The following PLEKHA7 variants were observed in gnomAD, a reference collection of about 807,000 sequenced individuals.
PLEKHA7 encodes the protein pleckstrin homology domain-containing family A member 7.
In PLEKHA7, 104 loss-of-function variants were observed where a neutral mutation model predicts 170.0. That is an observed-to-expected ratio of 0.61 (90% confidence interval 0.52 to 0.72). PLEKHA7 has a LOEUF of 0.72. Among genes scored for constraint, PLEKHA7 ranks in the 30% least tolerant of loss-of-function variants. The probability of loss-of-function intolerance (pLI) is 0.00; values close to 1 mark genes in which losing one functional copy is unlikely to be tolerated. For missense variants in PLEKHA7, 1,615 were observed against 1,671.7 expected, an observed-to-expected ratio of 0.97 and a Z score of 0.59; for synonymous variants, 648 against 660.8, an observed-to-expected ratio of 0.98 and a Z score of 0.30.
chr11:16,923,191 A>G (rs1345124253), intron 3 of PLEKHA7, among the ~76,000 whole-genome samples: 2 of 152,226 alleles, frequency 1.3e-5, no homozygotes, highest in Non-Finnish European at 2.9e-5. Flanking sequence ...GCCATTATCC[A>G]CAAATATGCA....
At chr11:16,822,154 G>A (rs1193006901) in intron 10 of PLEKHA7, among the ~76,000 whole-genome samples, 1 of 152,152 alleles carries the variant, frequency 6.6e-6, no homozygotes, top group Non-Finnish European at 1.5e-5. Flanking sequence ...TTTACAGGCT[G>A]CTGGAGCAGT....
chr11:16,855,948 G>A (rs1736798368), intron 4 of PLEKHA7, 34 bp from the exon 5 acceptor site: 1 of 1,549,688 alleles, frequency 6.5e-7, no homozygotes, highest in Admixed American at 1.7e-5. Context: ...GTGAGTAAAA[G>A]CCGAGCTATA....
At chr11:17,010,660 T>G (rs1303847696) in intron 3 of PLEKHA7, among the ~76,000 whole-genome samples, 1 of 152,208 alleles carries the variant, frequency 6.6e-6, no homozygotes, top group Admixed American at 6.5e-5. Flanking sequence ...GAGGAGCAAC[T>G]GAATACATCC....
At chr11:16,822,305 G>T (rs545490920) in intron 10 of PLEKHA7, among the ~76,000 whole-genome samples, 3 of 151,882 alleles carry the variant, frequency 2.0e-5, no homozygotes, top group African/African-American at 7.3e-5. Context: ...CTTTTACTCT[G>T]CGTCCTGAGC....
intron 4 of PLEKHA7, among the ~76,000 whole-genome samples, chr11:16,864,093 C>A (rs1337573545): frequency 2.0e-5 from 3 of 152,288 alleles, no homozygotes; most frequent in Middle Eastern, 3.4e-3. Context: ...AGATTGTCCC[C>A]AGAAGACCTC....
intron 4 of PLEKHA7, among the ~76,000 whole-genome samples, chr11:16,859,841 G>A (rs570737651): frequency 3.3e-5 from 5 of 152,360 alleles, no homozygotes; most frequent in South Asian, 2.1e-4. Flanking sequence ...ACTGCGTCAC[G>A]CAGACCCCTG....
chr11:16,856,242 GC>G (rs1853440238), intron 4 of PLEKHA7, among the ~76,000 whole-genome samples: 1 of 152,190 alleles, frequency 6.6e-6, no homozygotes, highest in Non-Finnish European at 1.5e-5. Context: ...CATCTGATGG[GC>G]ATGCACAGAT....
intron 8 of PLEKHA7, among the ~76,000 whole-genome samples, chr11:16,846,481 A>G (rs1209562507): frequency 6.6e-6 from 1 of 152,102 alleles, no homozygotes; most frequent in Admixed American, 6.6e-5. Context: ...TGGGTAAATT[A>G]CTCAACCTCC....
chr11:16,863,331 A>T (rs926197159), intron 4 of PLEKHA7, among the ~76,000 whole-genome samples: 1 of 152,188 alleles, frequency 6.6e-6, no homozygotes, highest in Non-Finnish European at 1.5e-5. Flanking sequence ...TTTCTTTTCC[A>T]AATAATCCAA....
chr11:16,927,629 T>G (rs1859657236), intron 3 of PLEKHA7, among the ~76,000 whole-genome samples: 1 of 152,194 alleles, frequency 6.6e-6, no homozygotes, highest in African/African-American at 2.4e-5. Flanking sequence ...CTTCCAGTAA[T>G]GTTGGCAAGA....
At chr11:16,792,580 T>C (rs890969742) in intron 19 of PLEKHA7, among the ~76,000 whole-genome samples, 1 of 150,600 alleles carries the variant, frequency 6.6e-6, no homozygotes. Context: ...AAGTCAAGAT[T>C]GTGGTTACTT....
At chr11:16,973,721 C>T (rs1862867972) in intron 3 of PLEKHA7, among the ~76,000 whole-genome samples, 1 of 152,176 alleles carries the variant, frequency 6.6e-6, no homozygotes, top group Admixed American at 6.5e-5. Context: ...CTTGAGCCCA[C>T]CCTGTCTGCC....
At chr11:16,882,697 C>T (rs1855797310) in intron 3 of PLEKHA7, among the ~76,000 whole-genome samples, 1 of 152,188 alleles carries the variant, frequency 6.6e-6, no homozygotes, top group South Asian at 2.1e-4. Flanking sequence ...ACATTCAACA[C>T]TTATTAAAGC....
intron 17 of PLEKHA7, chr11:16,795,372 G>A (rs950344448): frequency 2.7e-4 from 71 of 261,718 alleles, no homozygotes; most frequent in Middle Eastern, 1.4e-3. Context: ...CTGGGGGCGG[G>A]GGAGAGGGAA....
At chr11:16,875,740 G>A (rs760598469) in intron 3 of PLEKHA7, among the ~76,000 whole-genome samples, 2 of 152,032 alleles carry the variant, frequency 1.3e-5, no homozygotes, top group African/African-American at 2.4e-5. Context: ...CACCGTGCTC[G>A]GCCTAAATTT....
chr11:16,894,901 T>C (rs1856904288), intron 3 of PLEKHA7, among the ~76,000 whole-genome samples: 1 of 152,294 alleles, frequency 6.6e-6, no homozygotes, highest in South Asian at 2.1e-4. Context: ...CTCCAGGCAC[T>C]CTGCAGGCAT....
At chr11:17,009,236 T>A (rs1865184958) in intron 3 of PLEKHA7, among the ~76,000 whole-genome samples, 1 of 152,136 alleles carries the variant, frequency 6.6e-6, no homozygotes, top group South Asian at 2.1e-4. Context: ...CATTGAACCT[T>A]CATGGACCTG....
Position 16,791,292 on chromosome 11 carries a change from A to T in PLEKHA7, c.2746-93T>A. On this transcript the variant is annotated intron_variant, in intron 19 of 26. Transcript: ENST00000531066. The surrounding 1 kb of genome is among the most constrained non-coding windows in gnomAD (Gnocchi z 4.5). Reference sequence around the variant, plus strand: ...CCACAGTGGAGGTTTAAAGGGTAGGAACAGGCCACATCAGAGCCACAGAAC... The same window carrying T: ...CCACAGTGGAGGTTTAAAGGGTAGGTACAGGCCACATCAGAGCCACAGAAC... 8.2e-7 allele frequency: 1 copy of T among 1,213,550 alleles called. No individual in the cohort carries two copies. The highest frequency in any genetic ancestry group is 1.5e-5 in the African/African-American group (1 of 65,386). 75.2% of individuals were successfully genotyped at this position (1,213,550 alleles called of 1,614,324 possible).
intron 25 of PLEKHA7, 47 bp downstream of exon 25, chr11:16,783,653 C>T: frequency 7.4e-7 from 1 of 1,351,136 alleles, no homozygotes. Flanking sequence ...AGAGACGCCA[C>T]CTGGGGTCAG....
Sources: gnomAD v4.1 joint callset for allele counts (sites outside exome capture counted in the v4.1 genomes callset) on GRCh38, gnomAD v4.1.1 for gene constraint, Gnocchi (gnomAD v3.1) non-coding constraint, MANE v1.5 for transcripts, NCBI Gene and HGNC (gene_info 2026-07-23, HGNC 2026-07-21) for gene names.